The following FRMPD3 variants were observed in gnomAD, a reference collection of about 807,000 sequenced individuals.
FRMPD3 encodes FERM and PDZ domain containing 3.
Under a neutral mutation model 97.9 loss-of-function variants are expected in FRMPD3, and 42 were observed. The ratio of observed to expected loss-of-function variants is 0.43; its 90% CI spans 0.34 to 0.55. The LOEUF is 0.55. FRMPD3 is among the 20% of genes least tolerant of loss of function. The pLI, the probability that FRMPD3 is intolerant of heterozygous loss-of-function variation, is 0.03. For missense variants in FRMPD3, 1,303 were observed against 1,457.7 expected (o/e 0.89, Z 1.73); for synonymous variants, 577 against 581.1 (o/e 0.99, Z 0.10).
chrX:107,497,184 C>T (rs748975669), intron 1 of FRMPD3, among the ~76,000 whole-genome samples: 1 of 112,934 alleles, frequency 8.9e-6, no homozygotes, highest in African/African-American at 3.2e-5. Context: ...ACTTCACCTT[C>T]CCAGGGAAGA....
At chrX:107,504,767 G>C (rs1490427827) in intron 1 of FRMPD3, among the ~76,000 whole-genome samples, 3 of 111,824 alleles carry the variant, frequency 2.7e-5, no homozygotes, top group African/African-American at 9.8e-5. Context: ...CATGAGCCCT[G>C]TGCTTTCTGA....
At chrX:107,452,367 G>A (rs1931304692) in intron 1 of FRMPD3, among the ~76,000 whole-genome samples, 1 of 111,733 alleles carries the variant, frequency 8.9e-6, no homozygotes, top group South Asian at 3.8e-4. Context: ...GAGGGAATAA[G>A]ATATAAGCAG....
In FRMPD3 at chrX:107,597,394, C is replaced by T. The variant is rs766277376; in HGVS notation, c.1515C>T (p.Ser505=). 9.1e-6 allele frequency: 11 copies of T among 1,208,620 alleles called. No individual in the cohort carries two copies. The highest frequency in any genetic ancestry group is 4.4e-5 in the Admixed American group (2 of 45,734). ...AAAAGGAGAGTAGTTATGTGGGCAG[C>T]GTGGGCACCAGCCCCAGGAAATCGA... ...LGKKESSYVG[S]VGTSPRKSSR... Residue 505 remains serine (S), a synonymous_variant, in exon 14 of 15, where the codon AGC becomes AGT. Transcript: ENST00000683843.
At chrX:107,497,958 C>T (rs1370501388) in intron 1 of FRMPD3, among the ~76,000 whole-genome samples, 1 of 111,437 alleles carries the variant, frequency 9.0e-6, no homozygotes, top group Admixed American at 9.5e-5. Flanking sequence ...TCTATGGGAA[C>T]TCATGTCCTG....
intron 1 of FRMPD3, among the ~76,000 whole-genome samples, chrX:107,493,597 G>A (rs1489810595): frequency 8.9e-6 from 1 of 112,095 alleles, no homozygotes; most frequent in Non-Finnish European, 1.9e-5. Context: ...AGGCCTTTAA[G>A]CTATTGTGCC....
At chrX:107,534,144 G>A (rs1376321043) in intron 4 of FRMPD3, among the ~76,000 whole-genome samples, 3 of 111,998 alleles carry the variant, frequency 2.7e-5, no homozygotes, top group Non-Finnish European at 3.8e-5. Flanking sequence ...AAACATGCCT[G>A]ATCATAATCG....
chrX:107,498,913 A>G (rs1478458952), intron 1 of FRMPD3, among the ~76,000 whole-genome samples: 1 of 111,219 alleles, frequency 9.0e-6, no homozygotes, highest in Non-Finnish European at 1.9e-5. Flanking sequence ...GGTGCCAGAC[A>G]GAAGCAGAAT....
At chrX:107,597,195 G>A in intron 13 of FRMPD3, 126 bp from the exon 14 acceptor site, 1 of 577,892 alleles carries the variant, frequency 1.7e-6, no homozygotes, top group South Asian at 2.9e-5. Context: ...TTGGCAGCCA[G>A]GTAATGCTTT....
rs189703256 is a variant in FRMPD3, at chrX:107,457,639, A to G, written c.-8+7634A>G. ...TGGAGGCTGTGTGGACCCTCAGTGG[A>G]CCATGGCAACAGTGTTCTTGCCAAA... On this transcript the variant is annotated intron_variant, in intron 1 of 14. Coordinates refer to ENST00000683843, the MANE Select transcript of FRMPD3 (RefSeq NM_001388459.1). 2.7e-3 allele frequency among the ~76,000 whole-genome samples: 306 copies of G among 112,071 alleles called. 5 individuals are homozygous for G. Among genetic ancestry groups the G allele is most frequent in the African/African-American group, 9.5e-3 (293 of 30,856 alleles).
chrX:107,451,581 G>A (rs2147884166), intron 1 of FRMPD3, among the ~76,000 whole-genome samples: 1 of 112,769 alleles, frequency 8.9e-6, no homozygotes, highest in Non-Finnish European at 1.9e-5. Context: ...AGCCTTTGCT[G>A]TTTCCGCTGA....
chrX:107,551,487 C>T (rs1343179927), intron 6 of FRMPD3, among the ~76,000 whole-genome samples: 1 of 112,047 alleles, frequency 8.9e-6, no homozygotes, highest in Non-Finnish European at 1.9e-5. Flanking sequence ...CCCTCTCTTT[C>T]CCTTTGGAGT....
rs1163598497 is a variant in FRMPD3, at chrX:107,604,238, A to G, written c.*865A>G. ...TTCTCTCTCAACATCTCTCTACCAG[A>G]CAGACTGTCCTTGGGAGTTTGACTT... On this transcript the variant is annotated 3_prime_UTR_variant, in exon 15 of 15. Transcript: ENST00000683843. 1 of 84,321 alleles carries G rather than the reference A, an allele frequency of 1.2e-5. No homozygotes were observed. The highest frequency in any genetic ancestry group is 1.5e-4 in the Admixed American group (1 of 6,516). The allele number at this position is 84,321 out of a possible 1,213,427, so 6.9% of individuals were successfully genotyped here. A position where few individuals can be genotyped will look rare whatever the true frequency, so the allele number is the denominator to read the frequency against.
chrX:107,544,222 G>C (rs189599180), intron 4 of FRMPD3, among the ~76,000 whole-genome samples: 1 of 111,620 alleles, frequency 9.0e-6, no homozygotes, highest in Non-Finnish European at 1.9e-5. Flanking sequence ...ATAGAATGGT[G>C]ATCACTAGAG....
At chrX:107,514,063 A>G (rs990132337) in intron 1 of FRMPD3, among the ~76,000 whole-genome samples, 12 of 111,908 alleles carry the variant, frequency 1.1e-4, no homozygotes, top group African/African-American at 3.6e-4. Flanking sequence ...ATTCAGCCAT[A>G]TGAAGAATGG....
rs1924524173 is a variant in FRMPD3 at position 107,601,762 on chromosome X, G to A, written c.3723G>A (p.Lys1241=). ...ATGAGCGGCAGGCCCAACTGCAGAA[G>A]GTAAAGCAGTATGAACTGGAGTTCC... The part of the protein sequence containing the change: ...ETDERQAQLQ[K]VKQYELEFLE... Residue 1241 remains lysine, a synonymous_variant, in exon 15 of 15, where the codon AAG becomes AAA. Transcript: ENST00000683843. 6.6e-6 allele frequency: 8 copies of A among 1,211,058 alleles called. No homozygotes were observed. The highest frequency in any genetic ancestry group is 8.9e-6 in the Non-Finnish European group (8 of 895,391).
Position 107,526,721 on chromosome X carries a change from C to T in FRMPD3, c.133C>T (p.Arg45Ter), listed in dbSNP as rs745319676. The T allele has an allele frequency of 9.2e-6, 11 of 1,200,548 alleles. No individual in the cohort carries two copies. The South Asian group carries it at 1.6e-4, about 18-fold the overall frequency. The change falls in exon 2 of 15, where the codon CGA becomes TGA. Residue 45 changes from arginine to a stop codon, truncating the protein, a stop_gained. Coordinates refer to ENST00000683843, the MANE Select transcript of FRMPD3 (RefSeq NM_001388459.1). LOFTEE classifies it high-confidence loss of function. Reference sequence around the variant, plus strand: ...TGGCAGTGAGAGGCCTGTGGTGGTTCGATCTGTGAGGCCAGGTAGGTGTCC... The same window carrying T: ...TGGCAGTGAGAGGCCTGTGGTGGTTTGATCTGTGAGGCCAGGTAGGTGTCC... ...VAGSERPVVV[R>*]SVRPGGPSEN...
At chrX:107,598,180 C>G (rs775913933) in intron 14 of FRMPD3, 38 bp downstream of exon 14, 23 of 1,110,463 alleles carry the variant, frequency 2.1e-5, no homozygotes, top group Admixed American at 7.1e-5. Context: ...CCACCCCCTT[C>G]TCTTGTCCAA....
At chrX:107,495,006 G>A (rs886272468) in intron 1 of FRMPD3, among the ~76,000 whole-genome samples, 6 of 112,492 alleles carry the variant, frequency 5.3e-5, no homozygotes, top group Admixed American at 1.9e-4. Flanking sequence ...AGCAAGTGTC[G>A]TTAAGGTGGG....
intron 2 of FRMPD3, 48 bp downstream of exon 2, chrX:107,526,784 ACACC>A (rs1450609707): frequency 1.0e-5 from 11 of 1,080,208 alleles, no homozygotes; most frequent in Middle Eastern, 3.1e-4. Flanking sequence ...CTGTCTCCCA[ACACC>A]CACATATCTT....
Sources: gnomAD v4.1 joint callset for allele counts (sites outside exome capture counted in the v4.1 genomes callset) on GRCh38, gnomAD v4.1.1 for gene constraint, MANE v1.5 for transcripts, NCBI Gene and HGNC (gene_info 2026-07-23, HGNC 2026-07-21) for gene names.